Variants in CTIF observed in about 807,000 individuals in gnomAD.
CTIF encodes CBP80/20-dependent translation initiation factor.
In CTIF, 21 loss-of-function variants were observed where a neutral mutation model predicts 66.0. The observed-to-expected ratio is 0.32, with a 90% confidence interval of 0.23 to 0.46. The LOEUF is 0.46. CTIF is among the 20% of genes least tolerant of loss of function. The pLI is 1.00. For synonymous variants in CTIF, 345 were observed against 326.4 expected, an observed-to-expected ratio of 1.06 and a Z score of -0.62; for missense variants, 739 against 812.7, an observed-to-expected ratio of 0.91 and a Z score of 1.10.
chr18:48,600,584 G>A (rs145430096), intron 1 of CTIF, among the ~76,000 whole-genome samples: 128 of 152,016 alleles, frequency 8.4e-4, no homozygotes, highest in African/African-American at 2.8e-3. Flanking sequence ...AGTGACAGGC[G>A]TTTGTTGCGC....
chr18:48,758,935 G>A (rs920884469), intron 8 of CTIF, among the ~76,000 whole-genome samples: 5 of 152,154 alleles, frequency 3.3e-5, no homozygotes, highest in African/African-American at 9.7e-5. Context: ...ATCACCCAGA[G>A]GCCAGGGAGT....
At chr18:48,723,513 G>C (rs1344204918) in intron 7 of CTIF, among the ~76,000 whole-genome samples, 2 of 152,194 alleles carry the variant, frequency 1.3e-5, no homozygotes, top group Non-Finnish European at 1.5e-5. Context: ...ACTGACCAGG[G>C]ATTTCCCAGA....
intron 10 of CTIF, among the ~76,000 whole-genome samples, chr18:48,821,958 T>C (rs1324333289): frequency 6.6e-6 from 1 of 152,228 alleles, no homozygotes; most frequent in Non-Finnish European, 1.5e-5. Flanking sequence ...ACTTAAACTT[T>C]CACCCATTGA....
chr18:48,757,436 A>G (rs1297566334), intron 7 of CTIF, among the ~76,000 whole-genome samples: 1 of 152,226 alleles, frequency 6.6e-6, no homozygotes. Flanking sequence ...TTTTCAAAAA[A>G]CATTATGGTG....
At chr18:48,825,541 T>C (rs2068566573) in intron 10 of CTIF, among the ~76,000 whole-genome samples, 2 of 152,170 alleles carry the variant, frequency 1.3e-5, no homozygotes, top group Non-Finnish European at 2.9e-5. Context: ...CGGAAAAGGC[T>C]GAGATGAAGC....
At chr18:48,667,921 G>A (rs748679660) in intron 5 of CTIF, among the ~76,000 whole-genome samples, 8 of 152,204 alleles carry the variant, frequency 5.3e-5, no homozygotes, top group Non-Finnish European at 1.2e-4. Flanking sequence ...CACTCCATGC[G>A]CCAGCCACTG....
intron 1 of CTIF, chr18:48,566,863 C>T (rs2143569300): frequency 6.6e-6 from 1 of 152,318 alleles, no homozygotes; most frequent in East Asian, 1.9e-4. Flanking sequence ...TAAATGACAG[C>T]ACTTCCTGGG....
chr18:48,761,127 T>C lies in CTIF; in HGVS notation c.1072-263T>C, dbSNP rs1034146989. The C allele has an allele frequency of 1.6e-5, 6 of 370,680 alleles. No homozygotes were observed. The highest frequency in any genetic ancestry group is 4.1e-5 in the African/African-American group (2 of 48,428). 23.0% of individuals were successfully genotyped at this position (370,680 alleles called of 1,614,324 possible). ...TGGACAAATAAACAAAAAAAGCCAA[T>C]GTATATGAGAATCCTGGGTAGGAGC... is the stretch of plus-strand genomic sequence containing the variant. On this transcript the variant is annotated intron_variant, in intron 8 of 11. Coordinates refer to ENST00000256413, the MANE Select transcript of CTIF (RefSeq NM_014772.3). This position sits in a 1 kb window ranked among gnomAD's most constrained non-coding sequence, Gnocchi z 4.2.
chr18:48,722,064 C>T (rs989194433), intron 7 of CTIF, among the ~76,000 whole-genome samples: 10 of 152,128 alleles, frequency 6.6e-5, no homozygotes, highest in African/African-American at 1.7e-4. Flanking sequence ...ACCAGTGTCT[C>T]GTGTATCTTC....
At chr18:48,591,302 C>T (rs1351862082) in intron 1 of CTIF, among the ~76,000 whole-genome samples, 1 of 152,214 alleles carries the variant, frequency 6.6e-6, no homozygotes. Flanking sequence ...GGGCCACCCT[C>T]TGATGTGGTA....
intron 7 of CTIF, among the ~76,000 whole-genome samples, chr18:48,752,719 G>A (rs1907957342): frequency 6.6e-6 from 1 of 152,294 alleles, no homozygotes; most frequent in Non-Finnish European, 1.5e-5. Context: ...TGTGCAGGCT[G>A]CCATACCCCA....
At chr18:48,618,727 C>T (rs1689196098) in intron 1 of CTIF, among the ~76,000 whole-genome samples, 1 of 152,202 alleles carries the variant, frequency 6.6e-6, no homozygotes, top group South Asian at 2.1e-4. Context: ...CCAGAGATTG[C>T]AGTTCTGTTG....
chr18:48,849,865 T>C (rs1382236344), intron 10 of CTIF, among the ~76,000 whole-genome samples: 1 of 152,190 alleles, frequency 6.6e-6, no homozygotes, highest in South Asian at 2.1e-4. Flanking sequence ...ATTACAGGCG[T>C]GAGCCACCGT....
In CTIF at chr18:48,860,248, G is replaced by C. The variant is rs1224173548; in HGVS notation, c.*689G>C. On this transcript the variant is annotated 3_prime_UTR_variant, in exon 12 of 12. Transcript: ENST00000256413. ...TTTGCAGTTCCACTTGCACTCTTTT[G>C]TTTATTGTGTTTTATTTTTCAAAAG... is the stretch of plus-strand genomic sequence containing the variant. 1 of 312,168 alleles carries C rather than the reference G, an allele frequency of 3.2e-6. No homozygotes were observed. The highest frequency in any genetic ancestry group is 2.2e-5 in the African/African-American group (1 of 46,286). 19.3% of individuals were successfully genotyped at this position (312,168 alleles called of 1,614,324 possible). A position where few individuals can be genotyped will look rare whatever the true frequency, so the allele number is the denominator to read the frequency against.
intron 1 of CTIF, among the ~76,000 whole-genome samples, chr18:48,602,517 T>C (rs1443220899): frequency 6.6e-6 from 1 of 152,252 alleles, no homozygotes; most frequent in Non-Finnish European, 1.5e-5. Context: ...CATAAAATAA[T>C]GGTGAGCCTT....
chr18:48,725,408 A>G (rs142191283), intron 7 of CTIF, among the ~76,000 whole-genome samples: 63 of 152,172 alleles, frequency 4.1e-4, no homozygotes, highest in African/African-American at 1.4e-3. Context: ...TCCTGTCCCA[A>G]CGCCCCTCCT....
chr18:48,719,030 T>A (rs1261382418), intron 7 of CTIF, among the ~76,000 whole-genome samples: 10 of 152,186 alleles, frequency 6.6e-5, no homozygotes, highest in Non-Finnish European at 1.3e-4. Flanking sequence ...AGGTCTGCTT[T>A]CTTTTTGCCA....
At chr18:48,706,252 C>T (rs890730763) in intron 6 of CTIF, among the ~76,000 whole-genome samples, 1 of 152,182 alleles carries the variant, frequency 6.6e-6, no homozygotes, top group Non-Finnish European at 1.5e-5. Flanking sequence ...TCTGTAAGAA[C>T]AAGCATATTG....
chr18:48,731,879 G>T (rs2092459417), intron 7 of CTIF, among the ~76,000 whole-genome samples: 1 of 152,212 alleles, frequency 6.6e-6, no homozygotes, highest in African/African-American at 2.4e-5. Flanking sequence ...AGGCCATAGG[G>T]TCTCTATCAT....
Sources: gnomAD v4.1 joint callset for allele counts (sites outside exome capture counted in the v4.1 genomes callset) on GRCh38, gnomAD v4.1.1 for gene constraint, Gnocchi (gnomAD v3.1) non-coding constraint, MANE v1.5 for transcripts, NCBI Gene and HGNC (gene_info 2026-07-23, HGNC 2026-07-21) for gene names.